KHDRBS2: variants seen among roughly 807,000 people sequenced by gnomAD.
KHDRBS2 encodes KH domain-containing, RNA-binding, signal transduction-associated protein 2.
In KHDRBS2, 26 loss-of-function variants were observed where a neutral mutation model predicts 44.3. That is an observed-to-expected ratio of 0.59 (90% CI 0.43 to 0.81). The LOEUF is 0.81. KHDRBS2 is among the 40% of genes least tolerant of loss of function. KHDRBS2 has a pLI of 0.00. For synonymous variants in KHDRBS2, 194 were observed against 151.1 expected, an observed-to-expected ratio of 1.28 and a Z score of -2.08; for missense variants, 476 against 433.1, an observed-to-expected ratio of 1.10 and a Z score of -0.88.
At chr6:61,705,600 T>C (rs1202046754) in intron 7 of KHDRBS2, among the ~76,000 whole-genome samples, 2 of 151,968 alleles carry the variant, frequency 1.3e-5, no homozygotes, top group Non-Finnish European at 1.5e-5. Flanking sequence ...CTCTCATTTG[T>C]ATTTGCATAA....
intron 2 of KHDRBS2, among the ~76,000 whole-genome samples, chr6:62,160,984 C>T (rs752151483): frequency 8.6e-5 from 13 of 152,038 alleles, no homozygotes; most frequent in Non-Finnish European, 1.5e-4. Context: ...CCACTCATCC[C>T]GCTGCCAAGA....
chr6:61,724,840 G>A (rs1773292761), intron 7 of KHDRBS2, among the ~76,000 whole-genome samples: 1 of 152,044 alleles, frequency 6.6e-6, no homozygotes, highest in African/African-American at 2.4e-5. Flanking sequence ...AGGAGACTTA[G>A]GACTCCCATA....
chr6:61,799,004 G>A (rs1421071662), intron 6 of KHDRBS2, among the ~76,000 whole-genome samples: 2 of 151,912 alleles, frequency 1.3e-5, no homozygotes, highest in Non-Finnish European at 2.9e-5. Context: ...CATCAAAAAA[G>A]GAGCCAAAGG....
intron 6 of KHDRBS2, among the ~76,000 whole-genome samples, chr6:61,803,532 C>G (rs938041367): frequency 6.6e-6 from 1 of 152,130 alleles, no homozygotes; most frequent in African/African-American, 2.4e-5. Flanking sequence ...CACATATTAT[C>G]TCATTTAATC....
chr6:61,985,471 T>A (rs2127237652), intron 3 of KHDRBS2, among the ~76,000 whole-genome samples: 1 of 152,274 alleles, frequency 6.6e-6, no homozygotes, highest in Admixed American at 6.5e-5. Context: ...GCAAGTAGTT[T>A]GCTCTTGTGG....
chr6:61,814,220 T>G (rs1269263616), intron 6 of KHDRBS2, among the ~76,000 whole-genome samples: 6 of 152,224 alleles, frequency 3.9e-5, no homozygotes, highest in Middle Eastern at 3.2e-3. Context: ...AACTTTGAGC[T>G]GCTGCTCTCT....
intron 2 of KHDRBS2, among the ~76,000 whole-genome samples, chr6:62,071,796 T>A (rs1366719429): frequency 6.6e-6 from 1 of 152,244 alleles, no homozygotes; most frequent in Non-Finnish European, 1.5e-5. Flanking sequence ...CTTTGTTCTT[T>A]CGGCTTAGGA....
chr6:61,948,892 C>T (rs139972861), intron 4 of KHDRBS2, among the ~76,000 whole-genome samples: 7 of 151,822 alleles, frequency 4.6e-5, no homozygotes, highest in African/African-American at 1.5e-4. Context: ...TGTGATAAAG[C>T]CTTTATGCCC....
chr6:61,603,722 C>A, the KHDRBS2 span, among the ~76,000 whole-genome samples: 3 of 152,190 alleles, frequency 2.0e-5, no homozygotes, highest in Non-Finnish European at 4.4e-5. Flanking sequence ...AATATACTTT[C>A]TGCTCCCCAG....
chr6:61,835,141 G>A (rs530175671), intron 6 of KHDRBS2, among the ~76,000 whole-genome samples: 4 of 151,968 alleles, frequency 2.6e-5, no homozygotes, highest in Non-Finnish European at 5.9e-5. Context: ...TTTATTATTC[G>A]AATTTTGGAG....
chr6:61,637,640 A>G, the KHDRBS2 span, among the ~76,000 whole-genome samples: 1 of 152,164 alleles, frequency 6.6e-6, no homozygotes, highest in African/African-American at 2.4e-5. Flanking sequence ...ACTAGTTTAC[A>G]GTCCCACCAA....
chr6:62,054,619 G>T (rs1789849156), intron 2 of KHDRBS2, among the ~76,000 whole-genome samples: 1 of 152,010 alleles, frequency 6.6e-6, no homozygotes, highest in Non-Finnish European at 1.5e-5. Flanking sequence ...AGATGTGATG[G>T]CAATAGCATG....
chr6:61,772,857 T>C (rs1232675623), intron 6 of KHDRBS2, among the ~76,000 whole-genome samples: 4 of 152,144 alleles, frequency 2.6e-5, no homozygotes, highest in African/African-American at 4.8e-5. Flanking sequence ...CTTCTAATTG[T>C]TCAATTCCCA....
chr6:61,633,352 G>C, the KHDRBS2 span, among the ~76,000 whole-genome samples: 1 of 151,954 alleles, frequency 6.6e-6, no homozygotes, highest in African/African-American at 2.4e-5. Flanking sequence ...AAAAATAATT[G>C]TTGCTATAGA....
At chr6:62,131,330 T>C (rs1272824691) in intron 2 of KHDRBS2, among the ~76,000 whole-genome samples, 1 of 152,236 alleles carries the variant, frequency 6.6e-6, no homozygotes, top group Non-Finnish European at 1.5e-5. Context: ...AGGATGCTTT[T>C]ATTAGCAAGG....
chr6:62,191,345 T>C (rs897452622), intron 1 of KHDRBS2, among the ~76,000 whole-genome samples: 2 of 152,148 alleles, frequency 1.3e-5, no homozygotes, highest in Admixed American at 1.3e-4. Context: ...CTTAGGCTTT[T>C]GCTGATGATC....
chr6:62,240,550 T>A (rs1193394655), intron 1 of KHDRBS2, among the ~76,000 whole-genome samples: 2 of 150,428 alleles, frequency 1.3e-5, no homozygotes, highest in Non-Finnish European at 3.0e-5. Context: ...ATAATATTTA[T>A]AAGCATCTGT....
chr6:61,692,205 T>C (rs1204127), intron 8 of KHDRBS2, among the ~76,000 whole-genome samples: 30,832 of 151,980 alleles, frequency 0.2, 3,622 homozygotes, highest in South Asian at 0.33. Flanking sequence ...GAAACAATTA[T>C]AGTGATTCTG....
chr6:62,039,922 G>C (rs1187805210), intron 3 of KHDRBS2, among the ~76,000 whole-genome samples: 1 of 152,034 alleles, frequency 6.6e-6, no homozygotes, highest in African/African-American at 2.4e-5. Flanking sequence ...GGAATCACCT[G>C]CCCAATTAAC....
Sources: allele counts gnomAD v4.1 joint callset (sites outside exome capture counted in the v4.1 genomes callset), GRCh38; gene constraint gnomAD v4.1.1; transcripts MANE v1.5; gene names NCBI Gene and HGNC (gene_info 2026-07-23, HGNC 2026-07-21).